Variants in BICDL2 observed in about 807,000 individuals in gnomAD.
BICDL2 encodes the protein BICD family like cargo adaptor 2, also known as BICD family-like cargo adapter 2.
Under a neutral mutation model 56.6 loss-of-function variants are expected in BICDL2, and 62 were observed. The ratio of observed to expected loss-of-function variants is 1.10; its 90% CI spans 0.89 to 1.35. The LOEUF (loss-of-function observed/expected upper bound fraction) is 1.35. BICDL2 is among the 40% of genes most tolerant of loss of function. BICDL2 has a pLI of 0.00. For synonymous variants in BICDL2, 358 were observed against 319.8 expected, an observed-to-expected ratio of 1.12 and a Z score of -1.27; for missense variants, 808 against 684.5, an observed-to-expected ratio of 1.18 and a Z score of -2.01.
At chr16:3,031,901 C>G (rs1195214384) in intron 2 of BICDL2, 3 of 204,330 alleles carry the variant, frequency 1.5e-5, no homozygotes, top group Non-Finnish European at 9.7e-6. Context: ...TGCCTAAGGA[C>G]ACACAGTCAT....
In BICDL2 at chr16:3,028,451, A is replaced by C. The variant is rs1344689841; in HGVS notation, c.1256T>G (p.Leu419Arg). The change falls in exon 9 of 10, where the codon CTG becomes CGG. Residue 419 changes from leucine (L) to arginine (R), a missense_variant. Leu to Arg is a moderately radical substitution (Grantham distance 102). Coordinates refer to ENST00000572449, the MANE Select transcript of BICDL2 (RefSeq NM_001369667.1). ...CTCCAGCGAGACGCGGTTGAGCTGC[A>C]GGGACAGCTCCAGGGCCCTAGGCGG... is the stretch of plus-strand genomic sequence containing the variant. ...EAVNKALELS[L>R]QLNRVSLERD... 6.4e-7 allele frequency: 1 copy of C among 1,569,406 alleles called. No individual in the cohort carries two copies. The highest frequency in any genetic ancestry group is 8.6e-7 in the Non-Finnish European group (1 of 1,166,412).
Position 3,029,314 on chromosome 16 carries a change from T to G in BICDL2, c.1073A>C (p.Glu358Ala), listed in dbSNP as rs1430889921. The G allele has an allele frequency of 6.2e-7, 1 of 1,609,298 alleles. No individual in the cohort carries two copies. Among genetic ancestry groups the G allele is most frequent in the Admixed American group, 1.7e-5 (1 of 59,718 alleles). Reference sequence around the variant, plus strand: ...CAGCTTGGCCACTTCCACCTCCTTCTCCTCCAGTATCTCCGCTGGACTGAG... The same window carrying G: ...CAGCTTGGCCACTTCCACCTCCTTCGCCTCCAGTATCTCCGCTGGACTGAG... ...TSLSPAEILE[E>A]KEVEVAKLQD... Residue 358 changes from glutamate (E) to alanine (A), a missense_variant, in exon 7 of 10, where the codon GAG (glutamate) becomes GCG (alanine). Transcript: ENST00000572449.
At position 3,035,323 on chromosome 16, in the gene BICDL2, C is replaced by T; in HGVS notation, c.174G>A (p.Glu58=). 1 of 1,584,818 alleles carries T rather than the reference C, an allele frequency of 6.3e-7. No individual in the cohort carries two copies. Among genetic ancestry groups the T allele is most frequent in the Non-Finnish European group, 8.6e-7 (1 of 1,165,932 alleles). ...GCTCCGCGGCCAACAGCAGGTCTTTCTCCTTCTGCTGCAGCTGCAAGGCTA... is the reference window on the plus strand; with the variant it reads ...GCTCCGCGGCCAACAGCAGGTCTTTTTCCTTCTGCTGCAGCTGCAAGGCTA... ...EDLALQLQQK[E]KDLLLAAELG... is the part of the protein sequence containing the mutation. The change falls in exon 2 of 10, where the codon GAG becomes GAA. Residue 58 remains glutamate, a synonymous_variant. Coordinates refer to ENST00000572449, the MANE Select transcript of BICDL2 (RefSeq NM_001369667.1).
intron 2 of BICDL2, 39 bp downstream of exon 2, chr16:3,035,176 T>TTGGGGGGGGGGGGGGGG: frequency 3.7e-5 from 5 of 136,274 alleles, no homozygotes; most frequent in East Asian, 1.4e-4. Context: ...CGTCCTCCCC[T>TTGGGGGGGGGGGGGGGG]GCCCACCCAC....
intron 1 of BICDL2, chr16:3,036,643 G>A (rs1264048988): frequency 1.1e-5 from 5 of 450,822 alleles, no homozygotes; most frequent in Non-Finnish European, 2.2e-5. Context: ...ACAGGGACCT[G>A]GAGACCGCTC....
intron 2 of BICDL2, among the ~76,000 whole-genome samples, chr16:3,034,622 C>A (rs1379712698): frequency 1.3e-5 from 2 of 150,708 alleles, no homozygotes; most frequent in Non-Finnish European, 3.0e-5. Context: ...GCCTTTTTTC[C>A]TTTCCTTTCC....
rs1955572680 is a variant in BICDL2 at position 3,028,077 on chromosome 16, G to A, written c.*29C>T. ...TGAAGAGGAAAGTGAGCCCCTAAGT[G>A]GGCAAGGGCAGCCCTCTGGGCCCAG... is the stretch of plus-strand genomic sequence containing the variant. On this transcript the variant is annotated 3_prime_UTR_variant, in exon 10 of 10. Transcript: ENST00000572449. The A allele has an allele frequency of 7.1e-7, 1 of 1,401,360 alleles. No homozygotes were observed. The highest frequency in any genetic ancestry group is 9.3e-7 in the Non-Finnish European group (1 of 1,079,352). 86.8% of individuals were successfully genotyped at this position (1,401,360 alleles called of 1,614,324 possible).
chr16:3,036,686 T>C lies in BICDL2; in HGVS notation c.-31+208A>G, dbSNP rs537646361. ...CCTTCCGCACCTAGCTGCCCAGGTG[T>C]TGGGGCCTCCAGCCCCAGGCGTCGG... is the stretch of plus-strand genomic sequence containing the variant. On this transcript the variant is annotated intron_variant, in intron 1 of 9. Transcript: ENST00000572449. The C allele has an allele frequency of 6.8e-3, 3,045 of 447,470 alleles. 70 individuals carry two copies. The highest frequency in any genetic ancestry group is 0.053 in the African/African-American group (2,527 of 47,382). The allele number at this position is 447,470 out of a possible 1,614,324, so 27.7% of individuals were successfully genotyped here. A position where few individuals can be genotyped will look rare whatever the true frequency, so the allele number is the denominator to read the frequency against.
At chr16:3,028,520 G>C in intron 8 of BICDL2, 52 bp from the exon 9 acceptor site, 2 of 1,557,552 alleles carry the variant, frequency 1.3e-6, no homozygotes, top group Non-Finnish European at 1.7e-6. Context: ...GCCTCAGGGA[G>C]CCGGGGTGGC....
At chr16:3,029,833 G>A in intron 5 of BICDL2, 94 bp from the exon 6 acceptor site, 1 of 1,120,810 alleles carries the variant, frequency 8.9e-7, no homozygotes, top group Non-Finnish European at 1.2e-6. Flanking sequence ...GTGCCGCGGA[G>A]AGCCCCGCAC....
intron 5 of BICDL2, 57 bp downstream of exon 5, chr16:3,030,392 C>A: frequency 6.4e-7 from 1 of 1,570,936 alleles, no homozygotes. Flanking sequence ...TCCCAGAAAG[C>A]CCTGAAGCCA....
chr16:3,036,292 G>A (rs1955732275), intron 1 of BICDL2: 1 of 452,340 alleles, frequency 2.2e-6, no homozygotes, highest in Non-Finnish European at 4.4e-6. Flanking sequence ...CCGGCCGCCC[G>A]GCCGCAGCGC....
chr16:3,035,496 TGTCACCTGCA>T lies in BICDL2; in HGVS notation c.-10_-1del. 1.5e-5 allele frequency: 24 copies of T among 1,606,720 alleles called. No individual in the cohort carries two copies. Among genetic ancestry groups the T allele is most frequent in the Non-Finnish European group, 2.0e-5 (24 of 1,177,476 alleles). On this transcript the variant is annotated 5_prime_UTR_variant, in exon 2 of 10. Transcript: ENST00000572449. The stretch of plus-strand genomic sequence containing the variant: ...AAGCTGGGCCCATCTGGAGAGCTCA[TGTCACCTGCA>T]GCATCTGCGGGGACAGGTGGCTGCG...
At position 3,029,269 on chromosome 16, in the gene BICDL2, C is replaced by A. The variant is rs1267909351; in HGVS notation, c.1107+11G>T. The A allele has an allele frequency of 3.1e-6, 5 of 1,608,692 alleles. No individual in the cohort carries two copies. Among genetic ancestry groups the A allele is most frequent in the African/African-American group, 1.3e-5 (1 of 74,810 alleles). Reference sequence around the variant, plus strand: ...GGGGCCGTGCATCCAGCACCGTGCCCTCTGCCCCACCTCATCTTGCAGCTT... The same window carrying A: ...GGGGCCGTGCATCCAGCACCGTGCCATCTGCCCCACCTCATCTTGCAGCTT... On this transcript the variant is annotated intron_variant, in intron 7 of 9. Coordinates refer to ENST00000572449, the MANE Select transcript of BICDL2 (RefSeq NM_001369667.1).
chr16:3,035,352 C>T lies in BICDL2; in HGVS notation c.145G>A (p.Asp49Asn), dbSNP rs748992816. ...TTCTGCTGCAGCTGCAAGGCTAGGT[C>T]CTCGGGCTCCTCAGGCCCTGGGCCC... ...GGGPGPEEPEDLALQLQQKEK... is the reference protein window; with the variant it reads ...GGGPGPEEPENLALQLQQKEK... The change falls in exon 2 of 10, where the codon GAC becomes AAC. Residue 49 changes from aspartate to asparagine, a missense_variant. Transcript: ENST00000572449. The T allele has an allele frequency of 6.2e-7, 1 of 1,602,240 alleles. No individual in the cohort carries two copies. Among genetic ancestry groups the T allele is most frequent in the Non-Finnish European group, 8.5e-7 (1 of 1,175,098 alleles).
At chr16:3,035,175 C>CAGGGCCCCGGGGGGGGGGGGGG in intron 2 of BICDL2, 40 bp downstream of exon 2, 1 of 387,928 alleles carries the variant, frequency 2.6e-6, no homozygotes, top group Non-Finnish European at 4.2e-6. Context: ...CCGTCCTCCC[C>CAGGGCCCCGGGGGGGGGGGGGG]TGCCCACCCA....
intron 2 of BICDL2, 190 bp from the exon 3 acceptor site, chr16:3,031,340 G>T (rs948544499): frequency 6.6e-5 from 40 of 603,374 alleles, no homozygotes; most frequent in Admixed American, 1.5e-4. Context: ...TAGAGGGAAG[G>T]TTCCGAGCAG....
In BICDL2 at chr16:3,029,619, ACGAGGCAGC is replaced by A. The variant is rs1262280621; in HGVS notation, c.874_882del (p.Ala292_Ser294del). 7 of 1,537,954 alleles carry A rather than the reference ACGAGGCAGC, an allele frequency of 4.6e-6. No individual in the cohort carries two copies. Among genetic ancestry groups the A allele is most frequent in the Middle Eastern group, 3.3e-4 (2 of 5,972 alleles). ...AGGCTGTGGGCCAGTTCTGACTGCAACGAGGCAGCCGACACGTCGGCGTCCTGGAGGCGT... is the reference window on the plus strand; with the variant it reads ...AGGCTGTGGGCCAGTTCTGACTGCAACGACACGTCGGCGTCCTGGAGGCGT... On this transcript the variant is annotated inframe_deletion, in exon 6 of 10. Transcript: ENST00000572449.
In BICDL2 at chr16:3,033,659, C is replaced by T. The variant is rs143688740; in HGVS notation, c.282+1556G>A. Among the ~76,000 whole-genome samples the T allele has an allele frequency of 6.4e-4, 97 of 152,176 alleles. No homozygotes were observed. The East Asian group carries it at 0.014, about 22-fold the overall frequency. The stretch of plus-strand genomic sequence containing the variant: ...AGCCAGGTATGGTGGTGCATGTGTG[C>T]CTGTAGTCCCAACTACTCAGGAGGC... On this transcript the variant is annotated intron_variant, in intron 2 of 9. Transcript: ENST00000572449.
Sources: gnomAD v4.1 joint callset for allele counts (sites outside exome capture counted in the v4.1 genomes callset) on GRCh38, gnomAD v4.1.1 for gene constraint, MANE v1.5 for transcripts, NCBI Gene and HGNC (gene_info 2026-07-23, HGNC 2026-07-21) for gene names.